The following TLR6 variants were observed in gnomAD, a reference collection of about 807,000 sequenced individuals.
TLR6 encodes the protein toll like receptor 6.
Under a neutral mutation model 16.1 loss-of-function variants are expected in TLR6, and 9 were observed. The ratio of observed to expected loss-of-function variants is 0.56; its 90% CI spans 0.34 to 0.98. The LOEUF (loss-of-function observed/expected upper bound fraction) is 0.98. TLR6 is among the 50% of genes least tolerant of loss of function. TLR6 has a pLI of 0.02. For synonymous variants in TLR6, 340 were observed against 338.6 expected, an observed-to-expected ratio of 1.00 and a Z score of -0.04; for missense variants, 786 against 921.0, an observed-to-expected ratio of 0.85 and a Z score of 1.90.
chr4:38,827,411 A>T, exon 2 of TLR6: 1 of 1,614,218 alleles, frequency 6.2e-7, no homozygotes, highest in Non-Finnish European at 8.5e-7. Flanking sequence ...GCAGTTGATG[A>T]TATTTTCCAC....
intron 1 of TLR6, among the ~76,000 whole-genome samples, chr4:38,846,088 C>CAAAA (rs10713614): frequency 4.7e-4 from 46 of 96,952 alleles, no homozygotes; most frequent in East Asian, 9.4e-4. Flanking sequence ...CGAGACATCT[C>CAAAA]AAAAAAAAAA....
At chr4:38,853,113 C>T (rs928628964) in intron 1 of TLR6, among the ~76,000 whole-genome samples, 1 of 148,394 alleles carries the variant, frequency 6.7e-6, no homozygotes, top group Non-Finnish European at 1.5e-5. Flanking sequence ...CCATCATTCT[C>T]GTAAACTATC....
intron 1 of TLR6, among the ~76,000 whole-genome samples, chr4:38,847,604 C>A (rs148474263): frequency 1.3e-5 from 2 of 152,008 alleles, no homozygotes; most frequent in African/African-American, 4.8e-5. Flanking sequence ...GCTTTTCCAA[C>A]GGTCTTAGCA....
rs962721125 is a variant in TLR6, at chr4:38,844,243, T to C, written c.-65+12518A>G. On this transcript the variant is annotated intron_variant, in intron 1 of 1. Transcript: ENST00000436693. Reference sequence around the variant, plus strand: ...AGCGACTGGAATACTGGTAGCGGTGTTCATCAGGAATTGCAGTTTTTATAC... The same window carrying C: ...AGCGACTGGAATACTGGTAGCGGTGCTCATCAGGAATTGCAGTTTTTATAC... Among the ~76,000 whole-genome samples the C allele has an allele frequency of 3.9e-5, 6 of 152,206 alleles. No homozygotes were observed. In the East Asian group the frequency reaches 1.2e-3, roughly 29 times the overall value.
intron 1 of TLR6, among the ~76,000 whole-genome samples, chr4:38,848,888 A>G (rs909750332): frequency 6.6e-6 from 1 of 152,238 alleles, no homozygotes; most frequent in Non-Finnish European, 1.5e-5. Context: ...TCACCAACCT[A>G]GCAAGGCAGG....
At chr4:38,848,429 G>C (rs1712628600) in intron 1 of TLR6, among the ~76,000 whole-genome samples, 1 of 152,244 alleles carries the variant, frequency 6.6e-6, no homozygotes, top group South Asian at 2.1e-4. Context: ...CAAAGCTGGA[G>C]AGAGAATGAC....
At chr4:38,866,497 A>C in the TLR6 span, among the ~76,000 whole-genome samples, 1 of 151,902 alleles carries the variant, frequency 6.6e-6, no homozygotes, top group Non-Finnish European at 1.5e-5. Context: ...CATCTCAAAA[A>C]AATGAATTAA....
At chr4:38,828,253 T>C (rs1289886236) in exon 2 of TLR6, 1 of 1,613,466 alleles carries the variant, frequency 6.2e-7, no homozygotes, top group African/African-American at 1.3e-5. Context: ...TAACATCCAG[T>C]ATTTCCAAAG....
chr4:38,841,340 C>T (rs1712251157), intron 1 of TLR6, among the ~76,000 whole-genome samples: 1 of 152,172 alleles, frequency 6.6e-6, no homozygotes. Context: ...TCTGTAATCC[C>T]AGCACTTTGG....
intron 1 of TLR6, among the ~76,000 whole-genome samples, chr4:38,836,060 G>GGAAGCAAGAACAAATAGA: frequency 6.6e-6 from 1 of 151,800 alleles, no homozygotes; most frequent in Admixed American, 6.6e-5. Context: ...CGAACCTCAA[G>GGAAGCAAGAACAAATAGA]GAAGCAAGAA....
At chr4:38,865,996 G>A in the TLR6 span, among the ~76,000 whole-genome samples, 4 of 151,814 alleles carry the variant, frequency 2.6e-5, no homozygotes, top group Middle Eastern at 3.4e-3. Flanking sequence ...AAAATTAGCC[G>A]GGTGTGGTGG....
rs191712510 is a variant in TLR6, at chr4:38,830,568, A to G, written c.-64-1031T>C. 2.9e-3 allele frequency among the ~76,000 whole-genome samples: 440 copies of G among 152,272 alleles called. 7 individuals carry two copies. Among genetic ancestry groups the G allele is most frequent in the African/African-American group, 0.01 (423 of 41,534 alleles). ...CATCTCTACAAAAAATACAAAACTT[A>G]GCTGGGCATGGTGGCGTGTGCCTAT... On this transcript the variant is annotated intron_variant, in intron 1 of 1. Coordinates refer to ENST00000436693, the Ensembl canonical transcript of TLR6.
At chr4:38,868,110 C>T in the TLR6 span, 197 of 275,330 alleles carry the variant, frequency 7.2e-4, 2 homozygotes, top group African/African-American at 4.2e-3. Context: ...TGCACACACC[C>T]ACACGCCCAC....
At chr4:38,865,148 C>A in the TLR6 span, among the ~76,000 whole-genome samples, 2 of 152,048 alleles carry the variant, frequency 1.3e-5, no homozygotes, top group African/African-American at 2.4e-5. Context: ...AAAGAAAATT[C>A]TAAAATAAAT....
chr4:38,855,642 G>A (rs1299108167), intron 1 of TLR6, among the ~76,000 whole-genome samples: 1 of 152,012 alleles, frequency 6.6e-6, no homozygotes, highest in Non-Finnish European at 1.5e-5. Flanking sequence ...GGGTTCATGG[G>A]ACTGAAAATC....
At chr4:38,836,006 C>G (rs1489020466) in intron 1 of TLR6, among the ~76,000 whole-genome samples, 1 of 151,864 alleles carries the variant, frequency 6.6e-6, no homozygotes, top group Non-Finnish European at 1.5e-5. Context: ...CAATAAATGC[C>G]TACATCAAAA....
At chr4:38,842,167 G>C (rs1712295315) in intron 1 of TLR6, among the ~76,000 whole-genome samples, 1 of 152,174 alleles carries the variant, frequency 6.6e-6, no homozygotes, top group Non-Finnish European at 1.5e-5. Context: ...GAGGAAGGTG[G>C]TTGGCAGGAC....
chr4:38,866,902 G>A, the TLR6 span, among the ~76,000 whole-genome samples: 1 of 152,182 alleles, frequency 6.6e-6, no homozygotes, highest in East Asian at 1.9e-4. Flanking sequence ...AAGGGATGGA[G>A]TGAGAGAGGA....
upstream of TLR6, among the ~76,000 whole-genome samples, chr4:38,857,770 T>G (rs1210719423): frequency 2.6e-5 from 4 of 152,202 alleles, no homozygotes; most frequent in Admixed American, 6.5e-5. Context: ...CTTCTTGTGA[T>G]TCATCCTTAC....
Sources: allele counts gnomAD v4.1 joint callset (sites outside exome capture counted in the v4.1 genomes callset), GRCh38; gene constraint gnomAD v4.1.1; transcripts MANE v1.5; gene names NCBI Gene and HGNC (gene_info 2026-07-23, HGNC 2026-07-21).